DDAH1: variants seen among roughly 807,000 people sequenced by gnomAD.
The protein encoded by DDAH1 is dimethylarginine dimethylaminohydrolase 1, also known as N(G),N(G)-dimethylarginine dimethylaminohydrolase 1.
A neutral mutation model predicts 28.8 loss-of-function variants in DDAH1; 19 were observed. The ratio of observed to expected loss-of-function variants is 0.66; its 90% confidence interval spans 0.46 to 0.97. The LOEUF is 0.97. Ranked by LOEUF, DDAH1 falls within the 50% of genes least tolerant of loss-of-function variation. The pLI is 0.00. For synonymous variants in DDAH1, 153 were observed against 154.4 expected (o/e 0.99, Z 0.07); for missense variants, 326 against 375.9 (o/e 0.87, Z 1.10).
chr1:85,434,048 A>G (rs978774529), intron 1 of DDAH1, among the ~76,000 whole-genome samples: 3 of 152,200 alleles, frequency 2.0e-5, no homozygotes, highest in African/African-American at 7.2e-5. Flanking sequence ...AGGATGTAAA[A>G]TGTAATCAAA....
At chr1:85,527,779 T>A (rs1452666259) in intron 1 of DDAH1, among the ~76,000 whole-genome samples, 6 of 152,202 alleles carry the variant, frequency 3.9e-5, no homozygotes, top group Non-Finnish European at 8.8e-5. Context: ...CATAATTGCA[T>A]CTTTTACTTT....
chr1:85,437,028 C>CAAA (rs539784220), intron 1 of DDAH1, among the ~76,000 whole-genome samples: 1 of 150,718 alleles, frequency 6.6e-6, no homozygotes, highest in South Asian at 2.1e-4. Flanking sequence ...CACTTCTAAC[C>CAAA]AAAAAAAAAC....
At chr1:85,381,646 C>T (rs1163508723) in intron 1 of DDAH1, among the ~76,000 whole-genome samples, 1 of 152,060 alleles carries the variant, frequency 6.6e-6, no homozygotes, top group Non-Finnish European at 1.5e-5. Context: ...CAGATTATCT[C>T]TTCACTACTG....
chr1:85,385,366 AT>A (rs1271057168), intron 1 of DDAH1, among the ~76,000 whole-genome samples: 25 of 152,374 alleles, frequency 1.6e-4, no homozygotes, highest in African/African-American at 6.0e-4. Context: ...TAAATAAAGC[AT>A]TAGTAAAATA....
intron 4 of DDAH1, among the ~76,000 whole-genome samples, chr1:85,344,078 T>G (rs1284115426): frequency 6.6e-6 from 1 of 152,250 alleles, no homozygotes; most frequent in African/African-American, 2.4e-5. Flanking sequence ...ATTGTGAGCA[T>G]TTTAATTTAA....
At chr1:85,370,247 C>T (rs989867184) in intron 1 of DDAH1, among the ~76,000 whole-genome samples, 1 of 152,150 alleles carries the variant, frequency 6.6e-6, no homozygotes, top group South Asian at 2.1e-4. Context: ...CATCTGCAAG[C>T]CAGGCAGAGG....
intron 1 of DDAH1, among the ~76,000 whole-genome samples, chr1:85,426,028 G>T (rs1349518836): frequency 1.3e-5 from 2 of 151,874 alleles, no homozygotes; most frequent in Non-Finnish European, 2.9e-5. Flanking sequence ...TTACTAACAG[G>T]GATAATTTCA....
chr1:85,500,671 T>C (rs1656790010), intron 1 of DDAH1, among the ~76,000 whole-genome samples: 2 of 152,172 alleles, frequency 1.3e-5, no homozygotes, highest in African/African-American at 4.8e-5. Flanking sequence ...AATTTCTCTT[T>C]CATCTTTTTC....
chr1:85,497,139 C>T (rs1446770261), intron 1 of DDAH1, among the ~76,000 whole-genome samples: 1 of 152,182 alleles, frequency 6.6e-6, no homozygotes, highest in Non-Finnish European at 1.5e-5. Flanking sequence ...TGAGCTCAGA[C>T]TGATGAACAA....
At chr1:85,540,710 C>T (rs1658447258) in intron 1 of DDAH1, among the ~76,000 whole-genome samples, 1 of 152,094 alleles carries the variant, frequency 6.6e-6, no homozygotes, top group Admixed American at 6.6e-5. Context: ...GTAATCCCAG[C>T]ACTTTGGGAG....
At chr1:85,422,843 T>C (rs2100617346) in intron 1 of DDAH1, among the ~76,000 whole-genome samples, 1 of 152,228 alleles carries the variant, frequency 6.6e-6, no homozygotes, top group East Asian at 1.9e-4. Context: ...TCTCCCTGTC[T>C]ATGTGCACAA....
chr1:85,572,610 G>A (rs1659492588), intron 1 of DDAH1, among the ~76,000 whole-genome samples: 1 of 152,316 alleles, frequency 6.6e-6, no homozygotes, highest in Non-Finnish European at 1.5e-5. Flanking sequence ...GGGAGGCAAA[G>A]CCCAGGCCCC....
chr1:85,563,353 C>T (rs776793998), intron 1 of DDAH1, among the ~76,000 whole-genome samples: 11 of 152,090 alleles, frequency 7.2e-5, no homozygotes, highest in Admixed American at 1.3e-4. Context: ...ACAGTTCTTG[C>T]GACATACAAA....
intron 1 of DDAH1, among the ~76,000 whole-genome samples, chr1:85,556,843 A>G (rs1658984628): frequency 6.6e-6 from 1 of 152,186 alleles, no homozygotes; most frequent in African/African-American, 2.4e-5. Flanking sequence ...GTGGCTGGGC[A>G]TAGTGGCTCA....
chr1:85,460,857 T>C (rs919959544), intron 1 of DDAH1, among the ~76,000 whole-genome samples: 11 of 152,220 alleles, frequency 7.2e-5, no homozygotes, highest in Non-Finnish European at 1.5e-4. Context: ...GCATTAATTA[T>C]CTACACAAAA....
At chr1:85,575,494 A>C (rs1230084377) in intron 1 of DDAH1, among the ~76,000 whole-genome samples, 3 of 152,150 alleles carry the variant, frequency 2.0e-5, no homozygotes, top group Non-Finnish European at 4.4e-5. Context: ...CACTCTATAT[A>C]TGTATCTGCA....
At chr1:85,336,898 A>C (rs1157812519) in intron 4 of DDAH1, among the ~76,000 whole-genome samples, 1 of 152,186 alleles carries the variant, frequency 6.6e-6, no homozygotes, top group African/African-American at 2.4e-5. Flanking sequence ...ACAACAAAAA[A>C]AACTACAGGT....
At chr1:85,561,478 A>T (rs1231096091) in intron 1 of DDAH1, among the ~76,000 whole-genome samples, 1 of 151,962 alleles carries the variant, frequency 6.6e-6, no homozygotes, top group Non-Finnish European at 1.5e-5. Flanking sequence ...CCTATCACTA[A>T]CTAGCTGTGT....
chr1:85,571,260 T>A (rs139319012), intron 1 of DDAH1, among the ~76,000 whole-genome samples: 1 of 152,330 alleles, frequency 6.6e-6, no homozygotes, highest in African/African-American at 2.4e-5. Context: ...AATCAATGCA[T>A]TTTAAGAGGC....
Sources: allele counts gnomAD v4.1 joint callset (sites outside exome capture counted in the v4.1 genomes callset), GRCh38; gene constraint gnomAD v4.1.1; transcripts MANE v1.5; gene names NCBI Gene and HGNC (gene_info 2026-07-23, HGNC 2026-07-21).